Variants in SMAP2 observed in about 807,000 individuals in gnomAD.
SMAP2 encodes small ArfGAP2.
Under a neutral mutation model 56.4 loss-of-function variants are expected in SMAP2, and 25 were observed. The ratio of observed to expected loss-of-function variants is 0.44; its 90% CI spans 0.32 to 0.62. SMAP2 has a LOEUF of 0.62. SMAP2 is among the 20% of genes least tolerant of loss of function. SMAP2 has a pLI of 0.04. For missense variants in SMAP2, 388 were observed against 545.6 expected (o/e 0.71, Z 2.88); for synonymous variants, 157 against 181.7 (o/e 0.86, Z 1.09).
intron 1 of SMAP2, among the ~76,000 whole-genome samples, chr1:40,402,464 T>C (rs190959113): frequency 4.6e-5 from 7 of 152,332 alleles, no homozygotes; most frequent in Non-Finnish European, 8.8e-5. Context: ...TTTTTGTTTT[T>C]TTTTTGAGAC....
intron 6 of SMAP2, among the ~76,000 whole-genome samples, 183 bp from the exon 7 acceptor site, chr1:40,415,089 A>G (rs1569920665): frequency 2.0e-5 from 3 of 152,162 alleles, no homozygotes; most frequent in African/African-American, 7.2e-5. Flanking sequence ...AGGCTTCCCC[A>G]GAGCACTCTG....
At chr1:40,421,332 G>A (rs1399849226) in intron 9 of SMAP2, among the ~76,000 whole-genome samples, 1 of 152,078 alleles carries the variant, frequency 6.6e-6, no homozygotes, top group African/African-American at 2.4e-5. Context: ...TTCACTGCTA[G>A]GGGCCAGTCT....
At chr1:40,413,452 C>T (rs1345459788) in intron 5 of SMAP2, among the ~76,000 whole-genome samples, 1 of 152,200 alleles carries the variant, frequency 6.6e-6, no homozygotes, top group Non-Finnish European at 1.5e-5. Flanking sequence ...TTCTGTATCC[C>T]ATTTTCTGAT....
chr1:40,397,911 T>G (rs2124301234), intron 1 of SMAP2, among the ~76,000 whole-genome samples: 1 of 152,240 alleles, frequency 6.6e-6, no homozygotes, highest in Non-Finnish European at 1.5e-5. Context: ...TCAAAGAGAT[T>G]TGAGTGTGCT....
chr1:40,361,514 C>T (rs562971011), intron 1 of SMAP2, among the ~76,000 whole-genome samples: 1 of 152,196 alleles, frequency 6.6e-6, no homozygotes, highest in East Asian at 1.9e-4. Flanking sequence ...CCAGATTGAC[C>T]AAGTGGGCCC....
chr1:40,362,938 A>G (rs1391065059), intron 2 of SMAP2, among the ~76,000 whole-genome samples: 1 of 152,162 alleles, frequency 6.6e-6, no homozygotes, highest in Admixed American at 6.5e-5. Flanking sequence ...GCCAAGAATA[A>G]TGAAATTTAT....
At chr1:40,358,928 C>A (rs935559134) in intron 1 of SMAP2, among the ~76,000 whole-genome samples, 2 of 152,102 alleles carry the variant, frequency 1.3e-5, no homozygotes, top group African/African-American at 4.8e-5. Flanking sequence ...ATATATACAT[C>A]CTCTTGCTGA....
chr1:40,410,185 G>T (rs1377363336), intron 4 of SMAP2, among the ~76,000 whole-genome samples: 1 of 152,140 alleles, frequency 6.6e-6, no homozygotes, highest in Non-Finnish European at 1.5e-5. Context: ...GGTTGAGGCT[G>T]CAGTGAGCTG....
At chr1:40,358,429 A>G (rs1347377249) in intron 1 of SMAP2, among the ~76,000 whole-genome samples, 1 of 152,158 alleles carries the variant, frequency 6.6e-6, no homozygotes, top group African/African-American at 2.4e-5. Context: ...GTGTAATCCC[A>G]GCTACTTGGG....
chr1:40,415,443 A>G, intron 7 of SMAP2, 62 bp downstream of exon 7: 1 of 1,114,636 alleles, frequency 9.0e-7, no homozygotes, highest in Non-Finnish European at 1.4e-6. Flanking sequence ...TTGATATCTT[A>G]ATCATGGAAC....
At chr1:40,395,877 C>T (rs984736283) in intron 1 of SMAP2, among the ~76,000 whole-genome samples, 4 of 152,160 alleles carry the variant, frequency 2.6e-5, no homozygotes, top group Non-Finnish European at 4.4e-5. Flanking sequence ...AAGTTAACTG[C>T]TGAATTAGTT....
chr1:40,383,522 CAA>C (rs1557831419), intron 1 of SMAP2, among the ~76,000 whole-genome samples: 2 of 152,202 alleles, frequency 1.3e-5, no homozygotes, highest in African/African-American at 4.8e-5. Context: ...TTATTTTGGA[CAA>C]GAGAACGGAA....
Position 40,417,243 on chromosome 1 carries a change from T to C in SMAP2, c.1164+147T>C. ...GTTAGGTTTGCTTTTTTTTTTTTTTTTTTTCCTAGAAGGTCTGTCTAAAGT... is the reference window on the plus strand; with the variant it reads ...GTTAGGTTTGCTTTTTTTTTTTTTTCTTTTCCTAGAAGGTCTGTCTAAAGT... On this transcript the variant is annotated intron_variant, in intron 9 of 9. Coordinates refer to ENST00000372718, the MANE Select transcript of SMAP2 (RefSeq NM_022733.3). 4.4e-6 allele frequency: 3 copies of C among 677,898 alleles called. No homozygotes were observed. The South Asian group carries it at 6.4e-5, about 14-fold the overall frequency. The allele number at this position is 677,898 out of a possible 1,614,324, so 42.0% of individuals were successfully genotyped here. A position where few individuals can be genotyped will look rare whatever the true frequency, so the allele number is the denominator to read the frequency against.
At chr1:40,414,327 TC>T in intron 6 of SMAP2, 87 bp downstream of exon 6, 1 of 1,217,294 alleles carries the variant, frequency 8.2e-7, no homozygotes, top group Non-Finnish European at 1.2e-6. Flanking sequence ...GATGGGGTTC[TC>T]CAGTTTTGTC....
chr1:40,399,246 G>A (rs914870782), intron 1 of SMAP2, among the ~76,000 whole-genome samples: 1 of 151,034 alleles, frequency 6.6e-6, no homozygotes, highest in African/African-American at 2.4e-5. Context: ...CTGGGCTCAC[G>A]TGATTCTCCT....
intron 1 of SMAP2, among the ~76,000 whole-genome samples, chr1:40,361,015 G>A (rs988767797): frequency 1.1e-4 from 17 of 152,190 alleles, no homozygotes; most frequent in African/African-American, 3.9e-4. Context: ...ACACCAGCTG[G>A]GGCTGCCAAG....
At chr1:40,364,168 C>T (rs1042192781) in intron 2 of SMAP2, among the ~76,000 whole-genome samples, 5 of 152,076 alleles carry the variant, frequency 3.3e-5, no homozygotes, top group Non-Finnish European at 7.4e-5. Context: ...GGCAATAGTC[C>T]AAAAATGTTC....
chr1:40,393,384 G>T, intron 1 of SMAP2: 3 of 1,535,530 alleles, frequency 2.0e-6, no homozygotes, highest in Non-Finnish European at 2.6e-6. Context: ...GCAGAGCGCC[G>T]TGGGAGTTGG....
At chr1:40,402,327 T>C (rs1644842892) in intron 1 of SMAP2, among the ~76,000 whole-genome samples, 1 of 152,272 alleles carries the variant, frequency 6.6e-6, no homozygotes, top group Admixed American at 6.5e-5. Context: ...ATCTTTTCTT[T>C]ATGCTGGGAA....
Sources: gnomAD v4.1 joint callset for allele counts (sites outside exome capture counted in the v4.1 genomes callset) on GRCh38, gnomAD v4.1.1 for gene constraint, MANE v1.5 for transcripts, NCBI Gene and HGNC (gene_info 2026-07-23, HGNC 2026-07-21) for gene names.